The following GALNTL6 variants were observed in gnomAD, a reference collection of about 807,000 sequenced individuals.
GALNTL6 encodes the protein polypeptide N-acetylgalactosaminyltransferase-like 6.
Under a neutral mutation model 73.7 loss-of-function variants are expected in GALNTL6, and 46 were observed. The observed-to-expected ratio is 0.62, with a 90% CI of 0.49 to 0.80. The LOEUF is 0.80. Among genes scored for constraint, GALNTL6 ranks in the 30% least tolerant of loss-of-function variants. GALNTL6 has a pLI of 0.00. For missense variants in GALNTL6, 604 were observed against 755.0 expected, an observed-to-expected ratio of 0.80 and a Z score of 2.34; for synonymous variants, 259 against 263.7, an observed-to-expected ratio of 0.98 and a Z score of 0.17.
At chr4:171,976,611 C>T (rs983270022) in intron 2 of GALNTL6, among the ~76,000 whole-genome samples, 5 of 152,152 alleles carry the variant, frequency 3.3e-5, no homozygotes, top group African/African-American at 7.2e-5. Context: ...TACTATACTA[C>T]GCACTATTTT....
intron 2 of GALNTL6, among the ~76,000 whole-genome samples, chr4:171,925,727 C>T (rs1290099044): frequency 1.3e-5 from 2 of 152,054 alleles, no homozygotes; most frequent in Non-Finnish European, 2.9e-5. Flanking sequence ...CAGAAGACAT[C>T]TATTTAAAAA....
chr4:172,977,568 G>A (rs1445191113), intron 10 of GALNTL6, among the ~76,000 whole-genome samples: 1 of 152,166 alleles, frequency 6.6e-6, no homozygotes, highest in Non-Finnish European at 1.5e-5. Flanking sequence ...TATTGTAAAG[G>A]AAAAAGAATA....
At chr4:172,013,491 T>C (rs1326564165) in intron 2 of GALNTL6, among the ~76,000 whole-genome samples, 2 of 67,518 alleles carry the variant, frequency 3.0e-5, no homozygotes, top group East Asian at 4.9e-4. Flanking sequence ...AATAGGATTT[T>C]ATTCTTTTTT....
intron 4 of GALNTL6, among the ~76,000 whole-genome samples, chr4:172,345,067 C>A (rs1315930248): frequency 6.6e-6 from 1 of 150,744 alleles, no homozygotes; most frequent in African/African-American, 2.5e-5. Flanking sequence ...CCAATTAATT[C>A]TCCTTAGCAC....
chr4:172,595,243 G>C (rs1486079292), intron 5 of GALNTL6, among the ~76,000 whole-genome samples: 4 of 152,092 alleles, frequency 2.6e-5, no homozygotes, highest in African/African-American at 9.6e-5. Flanking sequence ...GTGGGTTTGA[G>C]TAAAAAAAAT....
chr4:172,048,653 A>G (rs1222792307), intron 2 of GALNTL6, among the ~76,000 whole-genome samples: 1 of 152,226 alleles, frequency 6.6e-6, no homozygotes, highest in East Asian at 1.9e-4. Context: ...TTCACCTTAA[A>G]TGTAACTACT....
At chr4:172,806,133 T>C (rs868549077) in intron 5 of GALNTL6, among the ~76,000 whole-genome samples, 1 of 152,202 alleles carries the variant, frequency 6.6e-6, no homozygotes, top group Non-Finnish European at 1.5e-5. Context: ...GCCTTCATCA[T>C]GAGTTATAGG....
At chr4:172,152,876 C>G (rs1734142925) in intron 2 of GALNTL6, among the ~76,000 whole-genome samples, 1 of 152,300 alleles carries the variant, frequency 6.6e-6, no homozygotes, top group Admixed American at 6.5e-5. Context: ...TCCCAAAGTG[C>G]TGGGATTACA....
At chr4:171,911,159 A>T (rs6815937) in intron 2 of GALNTL6, among the ~76,000 whole-genome samples, 2 of 152,118 alleles carry the variant, frequency 1.3e-5, no homozygotes, top group Non-Finnish European at 2.9e-5. Flanking sequence ...TTTTTTAAAA[A>T]TTTATTTTCT....
intron 3 of GALNTL6, among the ~76,000 whole-genome samples, chr4:172,310,953 A>G (rs1561019934): frequency 6.6e-6 from 1 of 152,104 alleles, no homozygotes; most frequent in Non-Finnish European, 1.5e-5. Flanking sequence ...TCATTTCACA[A>G]TGAAGGAAAT....
chr4:171,924,183 T>C (rs201095820), intron 2 of GALNTL6, among the ~76,000 whole-genome samples: 213 of 142,528 alleles, frequency 1.5e-3, no homozygotes, highest in Middle Eastern at 3.6e-3. Flanking sequence ...ACCACACACA[T>C]ACACACACAC....
chr4:172,120,045 G>T (rs1733103881), intron 2 of GALNTL6, among the ~76,000 whole-genome samples: 1 of 152,126 alleles, frequency 6.6e-6, no homozygotes, highest in African/African-American at 2.4e-5. Flanking sequence ...TACAGAGTAA[G>T]AAACAAGCAT....
intron 2 of GALNTL6, among the ~76,000 whole-genome samples, chr4:171,958,829 T>C (rs773030139): frequency 8.5e-5 from 13 of 152,162 alleles, no homozygotes; most frequent in Non-Finnish European, 1.8e-4. Flanking sequence ...AAATATATGT[T>C]GTGATTTTAT....
intron 5 of GALNTL6, among the ~76,000 whole-genome samples, chr4:172,529,877 T>G (rs1239102920): frequency 6.7e-6 from 1 of 149,122 alleles, no homozygotes; most frequent in African/African-American, 2.4e-5. Flanking sequence ...ATTTATTTAT[T>G]TATTTATTTA....
chr4:172,199,475 T>C lies in GALNTL6; in HGVS notation c.139-30181T>C, dbSNP rs185955383. On this transcript the variant is annotated intron_variant, in intron 2 of 12. Transcript: ENST00000506823. ...TGTGCTTCTGTTTTAGATAATTCTC[T>C]CACCATTTGACTTGTAATTAGTGTA... Among the ~76,000 whole-genome samples the C allele has an allele frequency of 2.0e-5, 3 of 152,338 alleles. No homozygotes were observed. The East Asian group carries it at 5.8e-4, about 29-fold the overall frequency.
At chr4:172,081,458 T>G (rs1314705539) in intron 2 of GALNTL6, among the ~76,000 whole-genome samples, 2 of 152,232 alleles carry the variant, frequency 1.3e-5, no homozygotes, top group Admixed American at 6.5e-5. Flanking sequence ...GCCAACATGG[T>G]GAAACCCCGT....
At chr4:173,038,320 C>A (rs1475951825) in intron 12 of GALNTL6, among the ~76,000 whole-genome samples, 1 of 152,168 alleles carries the variant, frequency 6.6e-6, no homozygotes, top group African/African-American at 2.4e-5. Context: ...GGAGCCACAG[C>A]AGCGGCTGGG....
At chr4:172,682,872 C>G (rs1320089434) in intron 5 of GALNTL6, among the ~76,000 whole-genome samples, 1 of 152,066 alleles carries the variant, frequency 6.6e-6, no homozygotes, top group South Asian at 2.1e-4. Context: ...AAAAAAAAAT[C>G]TGAGCCACTC....
In GALNTL6 at chr4:172,265,859, G is replaced by C. The variant is rs530640427; in HGVS notation, c.247+36095G>C. Among the ~76,000 whole-genome samples, 3 of 151,922 alleles carry C rather than the reference G, an allele frequency of 2.0e-5. No homozygotes were observed. In the East Asian group the frequency reaches 5.8e-4, roughly 29 times the overall value. On this transcript the variant is annotated intron_variant, in intron 3 of 12. Coordinates refer to ENST00000506823, the MANE Select transcript of GALNTL6 (RefSeq NM_001034845.3). ...CGATAAGAGGATATTAGAGTATATTGGAGACTGTTGTGATTTACAGCTCAA... is the reference window on the plus strand; with the variant it reads ...CGATAAGAGGATATTAGAGTATATTCGAGACTGTTGTGATTTACAGCTCAA...
Sources: gnomAD v4.1 joint callset for allele counts (sites outside exome capture counted in the v4.1 genomes callset) on GRCh38, gnomAD v4.1.1 for gene constraint, MANE v1.5 for transcripts, NCBI Gene and HGNC (gene_info 2026-07-23, HGNC 2026-07-21) for gene names.